RHOBTB1: variants seen among roughly 807,000 people sequenced by gnomAD.
The protein encoded by RHOBTB1 is rho-related BTB domain-containing protein 1.
Under a neutral mutation model 71.6 loss-of-function variants are expected in RHOBTB1, and 40 were observed. The observed-to-expected ratio is 0.56, with a 90% CI of 0.43 to 0.73. The LOEUF (loss-of-function observed/expected upper bound fraction) is 0.73, where lower values mean the gene tolerates loss of function less well. Among genes scored for constraint, RHOBTB1 ranks in the 30% least tolerant of loss-of-function variants. The pLI, the probability that RHOBTB1 is intolerant of heterozygous loss-of-function variation, is 0.00. For synonymous variants in RHOBTB1, 319 were observed against 334.9 expected, an observed-to-expected ratio of 0.95 and a Z score of 0.52; for missense variants, 797 against 894.0, an observed-to-expected ratio of 0.89 and a Z score of 1.38.
chr10:60,920,134 T>C (rs1425529749), intron 2 of RHOBTB1, among the ~76,000 whole-genome samples: 1 of 150,872 alleles, frequency 6.6e-6, no homozygotes, highest in African/African-American at 2.5e-5. Context: ...TGCCCTTAAC[T>C]CACCTGCTGA....
In RHOBTB1 at chr10:60,886,175, G is replaced by T; in HGVS notation, c.1512C>A (p.Ile504=). Reference sequence around the variant, plus strand: ...TGGCTGCCATCCACTCACAGCTACAGATCAGCAGCGGCTTGTGGGCACTGA... The same window carrying T: ...TGGCTGCCATCCACTCACAGCTACATATCAGCAGCGGCTTGTGGGCACTGA... ...GAISAHKPLL[I]CSCEWMAAMF... The change falls in exon 7 of 11, where the codon ATC becomes ATA. Residue 504 remains isoleucine, a synonymous_variant. Transcript: ENST00000337910. The T allele has an allele frequency of 6.2e-7, 1 of 1,614,094 alleles. No individual in the cohort carries two copies.
At chr10:60,946,791 G>A (rs927983703), upstream of RHOBTB1, among the ~76,000 whole-genome samples, 1 of 152,118 alleles carries the variant, frequency 6.6e-6, no homozygotes, top group Non-Finnish European at 1.5e-5. Context: ...TCCACCCCCA[G>A]GGCACACCAA....
intron 4 of RHOBTB1, among the ~76,000 whole-genome samples, chr10:60,899,911 T>C (rs909745646): frequency 3.3e-5 from 5 of 152,078 alleles, no homozygotes; most frequent in African/African-American, 7.2e-5. Flanking sequence ...ATGAGGTGGC[T>C]AGGGAGGGCC....
intron 2 of RHOBTB1, among the ~76,000 whole-genome samples, chr10:60,939,618 C>T (rs981258959): frequency 1.3e-5 from 2 of 152,084 alleles, no homozygotes; most frequent in African/African-American, 2.4e-5. Flanking sequence ...GGAAGCCTGG[C>T]AGAGAAGAAA....
At chr10:60,945,438 G>T (rs1438399997), upstream of RHOBTB1, among the ~76,000 whole-genome samples, 1 of 152,064 alleles carries the variant, frequency 6.6e-6, no homozygotes, top group African/African-American at 2.4e-5. Flanking sequence ...CTATTATAAG[G>T]GATGCTTCTT....
chr10:60,945,215 C>T (rs1237371561), upstream of RHOBTB1, among the ~76,000 whole-genome samples: 2 of 152,198 alleles, frequency 1.3e-5, no homozygotes, highest in African/African-American at 4.8e-5. Flanking sequence ...AAACCCATCA[C>T]TCCTAGCCTG....
At chr10:60,861,373 A>G in the RHOBTB1 span, among the ~76,000 whole-genome samples, 1 of 152,200 alleles carries the variant, frequency 6.6e-6, no homozygotes, top group African/African-American at 2.4e-5. Context: ...AGAAGGTGGG[A>G]AGGGGAAACT....
intron 2 of RHOBTB1, among the ~76,000 whole-genome samples, chr10:60,939,003 C>T (rs148177996): frequency 1.0e-3 from 159 of 152,218 alleles, no homozygotes; most frequent in African/African-American, 3.6e-3. Context: ...CACAGAGAGA[C>T]GGAACCTGAG....
chr10:60,972,537 G>C (rs1188053285), intron 2 of RHOBTB1, among the ~76,000 whole-genome samples: 1 of 152,054 alleles, frequency 6.6e-6, no homozygotes, highest in Non-Finnish European at 1.5e-5. Flanking sequence ...GCCTGTCGGG[G>C]CATGGGGGGC....
rs770128578 is a variant in RHOBTB1 at position 60,888,448 on chromosome 10, TG to T, written c.1219del (p.Gln407SerfsTer39). ...GAGCAGGGTCCGAAAAGGGCCTGGC[TG>T]GACTGAAGCGTCCATCCTGACCACA... ...MTVVRMDASVQPGPFRTLLQF... is the reference protein window; with the variant it reads ...MTVVRMDASVXPGPFRTLLQF... On this transcript the variant is annotated frameshift_variant, in exon 6 of 11. Transcript: ENST00000337910. LOFTEE classifies it high-confidence loss of function. The T allele has an allele frequency of 6.2e-7, 1 of 1,614,222 alleles. No individual in the cohort carries two copies. The highest frequency in any genetic ancestry group is 1.1e-5 in the South Asian group (1 of 91,090).
chr10:60,861,306 C>T, the RHOBTB1 span, among the ~76,000 whole-genome samples: 3 of 152,226 alleles, frequency 2.0e-5, no homozygotes, highest in African/African-American at 7.2e-5. Flanking sequence ...TGCATATGTT[C>T]CGATATTGGT....
intron 4 of RHOBTB1, among the ~76,000 whole-genome samples, chr10:60,898,600 G>A (rs900104378): frequency 2.0e-5 from 3 of 152,212 alleles, no homozygotes; most frequent in African/African-American, 4.8e-5. Context: ...GCGCCTGGCA[G>A]GGGATCTGGG....
intron 7 of RHOBTB1, among the ~76,000 whole-genome samples, chr10:60,879,160 T>C (rs1467317749): frequency 6.6e-6 from 1 of 152,180 alleles, no homozygotes; most frequent in Non-Finnish European, 1.5e-5. Context: ...AAGTAGTGAC[T>C]GGGATTTAAA....
rs181718350 is a variant in RHOBTB1, at chr10:60,899,921, C to T, written c.297-6926G>A. ...TGAAAATGAGGTGGCTAGGGAGGGC[C>T]TCGCTGAGAAGGTGACATTTCCAGA... On this transcript the variant is annotated intron_variant, in intron 4 of 10. Coordinates refer to ENST00000337910, the MANE Select transcript of RHOBTB1 (RefSeq NM_014836.5). Among the ~76,000 whole-genome samples the T allele has an allele frequency of 3.2e-3, 482 of 152,162 alleles. 3 individuals are homozygous for T. The highest frequency in any genetic ancestry group is 5.4e-3 in the Non-Finnish European group (366 of 67,988).
intron 2 of RHOBTB1, among the ~76,000 whole-genome samples, chr10:60,924,299 T>C (rs2083736899): frequency 6.6e-6 from 1 of 151,674 alleles, no homozygotes; most frequent in Admixed American, 6.6e-5. Flanking sequence ...AACAGAGACT[T>C]AAGGATGGAA....
chr10:60,952,112 G>C (rs2085433444), intron 2 of RHOBTB1, among the ~76,000 whole-genome samples: 1 of 148,736 alleles, frequency 6.7e-6, no homozygotes, highest in African/African-American at 2.5e-5. Flanking sequence ...TATAAGATGA[G>C]TTAGTTATAA....
chr10:60,984,268 G>A (rs2086592849), intron 2 of RHOBTB1, among the ~76,000 whole-genome samples: 1 of 152,090 alleles, frequency 6.6e-6, no homozygotes, highest in African/African-American at 2.4e-5. Context: ...ATTAGAGATT[G>A]GAAGTCTGTT....
chr10:60,900,920 T>G (rs2133082554), intron 4 of RHOBTB1, among the ~76,000 whole-genome samples: 1 of 152,330 alleles, frequency 6.6e-6, no homozygotes, highest in South Asian at 2.1e-4. Context: ...CCCCATGTAA[T>G]TGGATAATTT....
rs545703270 is a variant in RHOBTB1 at position 60,998,971 on chromosome 10, T to C, written c.-163+2428A>G. On this transcript the variant is annotated intron_variant, in intron 1 of 11. Coordinates refer to the RHOBTB1 transcript ENST00000357917. ...AGCTTCTTTGAGCCTCAGTTTTCTT[T>C]TCTGTGAAACACAGACAACGCCTGC... Among the ~76,000 whole-genome samples the C allele has an allele frequency of 2.6e-5, 4 of 152,342 alleles. No individual in the cohort carries two copies. The East Asian group carries it at 7.7e-4, about 29-fold the overall frequency.
Sources: gnomAD v4.1 joint callset for allele counts (sites outside exome capture counted in the v4.1 genomes callset) on GRCh38, gnomAD v4.1.1 for gene constraint, MANE v1.5 for transcripts, NCBI Gene and HGNC (gene_info 2026-07-23, HGNC 2026-07-21) for gene names.